Variants in PDE2A observed in about 807,000 individuals in gnomAD.
PDE2A encodes the protein phosphodiesterase 2A.
PDE2A carries 53 observed loss-of-function variants against 133.6 expected under a neutral mutation model. The observed-to-expected ratio is 0.40, with a 90% CI of 0.32 to 0.50. The LOEUF (loss-of-function observed/expected upper bound fraction) is 0.50, where lower values mean the gene tolerates loss of function less well. Among genes scored for constraint, PDE2A ranks in the 20% least tolerant of loss-of-function variants. The probability of loss-of-function intolerance (pLI) is 0.73; values close to 1 mark genes in which losing one functional copy is unlikely to be tolerated. For synonymous variants in PDE2A, 491 were observed against 490.2 expected, an observed-to-expected ratio of 1.00 and a Z score of -0.02; for missense variants, 796 against 1,232.4, an observed-to-expected ratio of 0.65 and a Z score of 5.30.
At chr11:72,594,048 C>T (rs1387898344) in intron 6 of PDE2A, among the ~76,000 whole-genome samples, 3 of 152,212 alleles carry the variant, frequency 2.0e-5, no homozygotes, top group Non-Finnish European at 4.4e-5. Context: ...GTGCTTCTCA[C>T]CACCAACCCT....
At chr11:72,587,670 T>C (rs1467660517) in intron 13 of PDE2A, 1 of 152,206 alleles carries the variant, frequency 6.6e-6, no homozygotes, top group Non-Finnish European at 1.5e-5. Flanking sequence ...CAACATTAAG[T>C]GCTCAATATT....
intron 24 of PDE2A, 49 bp from the exon 25 acceptor site, chr11:72,580,673 G>A (rs767109184): frequency 2.4e-4 from 336 of 1,426,580 alleles, no homozygotes; most frequent in Non-Finnish European, 1.8e-4. Flanking sequence ...CCGGATCCAA[G>A]TGCCACTGCT....
intron 1 of PDE2A, chr11:72,649,221 C>G (rs921817863): frequency 6.6e-6 from 1 of 152,262 alleles, no homozygotes; most frequent in Non-Finnish European, 1.5e-5. Flanking sequence ...GCTGTCAGCT[C>G]TGTTTTGCTC....
chr11:72,655,843 C>T (rs1854883961), intron 1 of PDE2A, among the ~76,000 whole-genome samples: 2 of 152,214 alleles, frequency 1.3e-5, no homozygotes, highest in African/African-American at 4.8e-5. Flanking sequence ...GGATTTCTGA[C>T]ACTCCAGCAA....
chr11:72,578,466 C>T lies in PDE2A; in HGVS notation c.2508+10G>A. The T allele has an allele frequency of 6.2e-7, 1 of 1,612,526 alleles. No individual in the cohort carries two copies. Among genetic ancestry groups the T allele is most frequent in the South Asian group, 1.1e-5 (1 of 91,022 alleles). ...CCATCCTGGACATCCTGGGGTCACT[C>T]CACACATACCAGGTCTCCCTGGGAG... is the stretch of plus-strand genomic sequence containing the variant. On this transcript the variant is annotated intron_variant, in intron 29 of 30. Coordinates refer to ENST00000334456, the MANE Select transcript of PDE2A (RefSeq NM_002599.5). The surrounding 1 kb of genome is among the most constrained non-coding windows in gnomAD (Gnocchi z 4.2).
intron 1 of PDE2A, among the ~76,000 whole-genome samples, chr11:72,651,607 C>CT (rs1441304287): frequency 6.6e-6 from 1 of 152,136 alleles, no homozygotes; most frequent in African/African-American, 2.4e-5. Context: ...ACTGGCCTTC[C>CT]TTGAAAGGTG....
At chr11:72,623,273 C>T (rs976438925) in intron 2 of PDE2A, among the ~76,000 whole-genome samples, 5 of 152,046 alleles carry the variant, frequency 3.3e-5, no homozygotes, top group Non-Finnish European at 7.4e-5. Context: ...ATCCACACAC[C>T]GACCCTCCCT....
chr11:72,637,003 G>A (rs1668001399), intron 2 of PDE2A, among the ~76,000 whole-genome samples: 1 of 152,176 alleles, frequency 6.6e-6, no homozygotes. Flanking sequence ...CTGGCACCCA[G>A]GGGCCTGCTC....
intron 2 of PDE2A, among the ~76,000 whole-genome samples, chr11:72,615,547 C>G (rs1857426300): frequency 6.6e-6 from 1 of 152,124 alleles, no homozygotes; most frequent in South Asian, 2.1e-4. Context: ...GATGGCCCTG[C>G]AAGGCAGACA....
Position 72,589,812 on chromosome 11 carries a change from G to A in PDE2A, c.832-20C>T. The stretch of plus-strand genomic sequence containing the variant: ...GATGACCTGAGGAACGGAGTGCAGG[G>A]GGCTGGTTAAAGGAAAGGCAATGGA... On this transcript the variant is annotated intron_variant, in intron 10 of 30. Transcript: ENST00000334456. 1 of 1,613,222 alleles carries A rather than the reference G, an allele frequency of 6.2e-7. No individual in the cohort carries two copies. The highest frequency in any genetic ancestry group is 1.1e-5 in the South Asian group (1 of 90,866).
In PDE2A at chr11:72,589,998, C is replaced by A; in HGVS notation, c.757-17G>T. ...CTGCTGCAGCTGAGAGAGGGACAGGCAGGGCGAGGGGGTGACCGCGGATCC... is the reference window on the plus strand; with the variant it reads ...CTGCTGCAGCTGAGAGAGGGACAGGAAGGGCGAGGGGGTGACCGCGGATCC... On this transcript the variant is annotated splice_polypyrimidine_tract_variant and intron_variant, in intron 9 of 30. Transcript: ENST00000334456. The A allele has an allele frequency of 1.9e-6, 3 of 1,605,600 alleles. No homozygotes were observed. Among genetic ancestry groups the A allele is most frequent in the Non-Finnish European group, 2.6e-6 (3 of 1,175,896 alleles).
intron 27 of PDE2A, 105 bp from the exon 28 acceptor site, chr11:72,579,114 C>G (rs951430388): frequency 2.3e-5 from 23 of 989,672 alleles, no homozygotes; most frequent in Non-Finnish European, 3.2e-5. Context: ...AATTGGGCAC[C>G]CTTGATGGGA....
chr11:72,597,220 G>A lies in PDE2A; in HGVS notation c.433+290C>T, dbSNP rs1478934529. 1.3e-5 allele frequency among the ~76,000 whole-genome samples: 2 copies of A among 152,240 alleles called. No individual in the cohort carries two copies. The highest frequency in any genetic ancestry group is 2.9e-5 in the Non-Finnish European group (2 of 68,048). Reference sequence around the variant, plus strand: ...ATCACAACCACAGCCACGGGCCACTGAGCCCTCGCTTGTGCCAGGCCCCTA... The same window carrying A: ...ATCACAACCACAGCCACGGGCCACTAAGCCCTCGCTTGTGCCAGGCCCCTA... On this transcript the variant is annotated intron_variant, in intron 5 of 30. Coordinates refer to ENST00000334456, the MANE Select transcript of PDE2A (RefSeq NM_002599.5). This position sits in a 1 kb window ranked among gnomAD's most constrained non-coding sequence, Gnocchi z 4.6.
At chr11:72,631,045 G>A in intron 2 of PDE2A, 63 of 1,067,470 alleles carry the variant, frequency 5.9e-5, no homozygotes, top group Non-Finnish European at 8.1e-5. Context: ...ACCCCCTCAA[G>A]CCCACCCACT....
chr11:72,588,906 T>A lies in PDE2A; in HGVS notation c.948A>T (p.Val316=). 15 of 1,602,588 alleles carry A rather than the reference T, an allele frequency of 9.4e-6. No homozygotes were observed. Among genetic ancestry groups the A allele is most frequent in the Non-Finnish European group, 1.3e-5 (15 of 1,171,448 alleles). ...AGCCCAACATGCTCTGCAGCTGTTG[T>A]ACATCCTCCTGCAAAGGCGAGGCAA... ...IQLKDLTSED[V]QQLQSMLGCE... The change falls in exon 13 of 31, where the codon GTA becomes GTT. Residue 316 remains valine (V), a synonymous_variant. Coordinates refer to ENST00000334456, the MANE Select transcript of PDE2A (RefSeq NM_002599.5).
chr11:72,669,533 C>G (rs901384957), intron 1 of PDE2A, among the ~76,000 whole-genome samples: 1 of 152,148 alleles, frequency 6.6e-6, no homozygotes, highest in African/African-American at 2.4e-5. Context: ...AATATATCGA[C>G]TTCCCAGGAG....
intron 2 of PDE2A, among the ~76,000 whole-genome samples, chr11:72,610,224 C>A (rs1040647135): frequency 6.6e-6 from 1 of 152,130 alleles, no homozygotes; most frequent in African/African-American, 2.4e-5. Context: ...TCTGTGGCCC[C>A]ATGGACAGCC....
intron 1 of PDE2A, among the ~76,000 whole-genome samples, chr11:72,651,785 G>A (rs1854748937): frequency 2.0e-5 from 3 of 152,168 alleles, no homozygotes; most frequent in African/African-American, 7.2e-5. Context: ...ACCCTTTCCT[G>A]GCTGCCCAAG....
intron 19 of PDE2A, 41 bp downstream of exon 19, chr11:72,584,160 C>T (rs1236694626): frequency 2.4e-6 from 2 of 821,334 alleles, no homozygotes; most frequent in Non-Finnish European, 4.0e-6. Flanking sequence ...GTGGGCCCCG[C>T]CCCCTATCAC....
Sources: gnomAD v4.1 joint callset for allele counts (sites outside exome capture counted in the v4.1 genomes callset) on GRCh38, gnomAD v4.1.1 for gene constraint, Gnocchi (gnomAD v3.1) non-coding constraint, MANE v1.5 for transcripts, NCBI Gene and HGNC (gene_info 2026-07-23, HGNC 2026-07-21) for gene names.